CRISP1: variants seen among roughly 807,000 people sequenced by gnomAD.
CRISP1 encodes the protein cysteine-rich secretory protein 1.
CRISP1 carries 44 observed loss-of-function variants against 33.1 expected under a neutral mutation model. The observed-to-expected ratio is 1.33, with a 90% CI of 1.05 to 1.71. CRISP1 has a LOEUF of 1.71. CRISP1 is among the 40% of genes most tolerant of loss of function. The pLI, the probability that CRISP1 is intolerant of heterozygous loss-of-function variation, is 0.00. For missense variants in CRISP1, 390 were observed against 301.2 expected, an observed-to-expected ratio of 1.29 and a Z score of -2.18; for synonymous variants, 103 against 98.7, an observed-to-expected ratio of 1.04 and a Z score of -0.26.
chr6:49,841,180 C>T (rs993628815), intron 5 of CRISP1, among the ~76,000 whole-genome samples, 185 bp from the exon 6 acceptor site: 9 of 152,130 alleles, frequency 5.9e-5, no homozygotes, highest in African/African-American at 1.7e-4. Flanking sequence ...TGCATGTACA[C>T]GCACATAGCT....
chr6:49,861,616 A>T (rs983310142), intron 1 of CRISP1, among the ~76,000 whole-genome samples: 5 of 152,070 alleles, frequency 3.3e-5, no homozygotes, highest in African/African-American at 1.2e-4. Context: ...AGGCACGGTA[A>T]CTCACGCCTG....
intron 1 of CRISP1, among the ~76,000 whole-genome samples, chr6:49,871,764 G>A (rs1438947254): frequency 6.6e-6 from 1 of 152,038 alleles, no homozygotes; most frequent in Non-Finnish European, 1.5e-5. Context: ...ATTCCATGGT[G>A]TATATGTGCC....
At chr6:49,864,981 T>G (rs2127478157) in intron 1 of CRISP1, among the ~76,000 whole-genome samples, 1 of 152,278 alleles carries the variant, frequency 6.6e-6, no homozygotes, top group South Asian at 2.1e-4. Context: ...TTTAAGAAAT[T>G]TTGGTTATCC....
At chr6:49,858,759 T>C (rs1432410239) in intron 1 of CRISP1, among the ~76,000 whole-genome samples, 1 of 152,104 alleles carries the variant, frequency 6.6e-6, no homozygotes, top group African/African-American at 2.4e-5. Context: ...GCAGATAATA[T>C]TAACCCTGAG....
At chr6:49,838,349 G>T in intron 7 of CRISP1, 88 bp downstream of exon 7, 1 of 928,204 alleles carries the variant, frequency 1.1e-6, no homozygotes. Flanking sequence ...GTAGAAAAGT[G>T]CGATGTTTTT....
chr6:49,848,158 C>CTGTTTT lies in CRISP1; in HGVS notation c.286+50_286+51insAAAACA, dbSNP rs148402737. ...AGGGTACATAACAATCCCTGTTTTA[C>CTGTTTT]TATTTTTTTTTTTTTTAGTCCAAAG... On this transcript the variant is annotated intron_variant, in intron 4 of 7. Coordinates refer to ENST00000335847, the MANE Select transcript of CRISP1 (RefSeq NM_001131.3). 2.6e-5 allele frequency: 24 copies of CTGTTTT among 940,526 alleles called. 2 individuals carry two copies. The highest frequency in any genetic ancestry group is 2.6e-5 in the Non-Finnish European group (16 of 618,704). The allele number at this position is 940,526 out of a possible 1,614,324, so 58.3% of individuals were successfully genotyped here. A position where few individuals can be genotyped will look rare whatever the true frequency, so the allele number is the denominator to read the frequency against.
upstream of CRISP1, among the ~76,000 whole-genome samples, chr6:49,870,374 C>G (rs1182097358): frequency 1.3e-5 from 2 of 151,914 alleles, no homozygotes; most frequent in East Asian, 3.9e-4. Flanking sequence ...AATAGAGTAA[C>G]CAGTAGTAGT....
At chr6:49,859,732 A>G (rs1049157607) in intron 1 of CRISP1, among the ~76,000 whole-genome samples, 3 of 152,182 alleles carry the variant, frequency 2.0e-5, no homozygotes, top group Non-Finnish European at 4.4e-5. Flanking sequence ...AATATGCAAA[A>G]CAGCCAGAAA....
At chr6:49,855,404 T>C (rs781645145) in intron 2 of CRISP1, among the ~76,000 whole-genome samples, 18 of 152,188 alleles carry the variant, frequency 1.2e-4, no homozygotes, top group Non-Finnish European at 2.5e-4. Context: ...ACTCTGTTTA[T>C]TCTCAGCCTC....
At chr6:49,836,139 C>T (rs990665624) in intron 7 of CRISP1, among the ~76,000 whole-genome samples, 11 of 152,052 alleles carry the variant, frequency 7.2e-5, no homozygotes, top group Non-Finnish European at 1.6e-4. Flanking sequence ...ATCTATTTGT[C>T]TCTATATAAA....
chr6:49,854,420 T>G (rs1388342332), intron 2 of CRISP1, among the ~76,000 whole-genome samples: 1 of 152,180 alleles, frequency 6.6e-6, no homozygotes, highest in African/African-American at 2.4e-5. Context: ...CAGGCTGGAG[T>G]GCAGTAGCAC....
chr6:49,854,094 A>T (rs1441509600), intron 2 of CRISP1, among the ~76,000 whole-genome samples: 1 of 152,172 alleles, frequency 6.6e-6, no homozygotes, highest in Non-Finnish European at 1.5e-5. Context: ...TTCTTCCCTC[A>T]GTAAAGAGAA....
At chr6:49,836,226 T>C (rs890641631) in intron 7 of CRISP1, among the ~76,000 whole-genome samples, 6 of 152,200 alleles carry the variant, frequency 3.9e-5, no homozygotes, top group African/African-American at 1.4e-4. Flanking sequence ...ATTTGAATCT[T>C]GACAATGGAA....
Position 49,848,193 on chromosome 6 carries a change from A to T in CRISP1, c.286+16T>A. On this transcript the variant is annotated intron_variant, in intron 4 of 7. Coordinates refer to ENST00000335847, the MANE Select transcript of CRISP1 (RefSeq NM_001131.3). ...TTTTTTTAGTCCAAAGGCGGGTCAT[A>T]TAGATACACACTTACTTGGAAGTCT... The T allele has an allele frequency of 2.7e-6, 4 of 1,457,544 alleles. No individual in the cohort carries two copies. Among genetic ancestry groups the T allele is most frequent in the Non-Finnish European group, 3.7e-6 (4 of 1,066,880 alleles). 90.3% of individuals were successfully genotyped at this position (1,457,544 alleles called of 1,614,324 possible). A position where few individuals can be genotyped will look rare whatever the true frequency, so the allele number is the denominator to read the frequency against.
upstream of CRISP1, among the ~76,000 whole-genome samples, chr6:49,871,061 C>T (rs916304105): frequency 6.6e-6 from 1 of 151,616 alleles, no homozygotes; most frequent in Admixed American, 6.6e-5. Context: ...AGAGATCGCG[C>T]CATTGCACTC....
chr6:49,852,788 G>T (rs978085391), intron 2 of CRISP1, among the ~76,000 whole-genome samples: 2 of 151,304 alleles, frequency 1.3e-5, no homozygotes, highest in African/African-American at 4.9e-5. Flanking sequence ...AACTCACTAA[G>T]AAGAAAAATA....
intron 1 of CRISP1, among the ~76,000 whole-genome samples, chr6:49,862,967 C>T (rs1205509968): frequency 6.6e-6 from 1 of 151,876 alleles, no homozygotes; most frequent in Non-Finnish European, 1.5e-5. Flanking sequence ...GGATTGAATA[C>T]AGGAAATTAT....
At chr6:49,854,813 T>C (rs72863140) in intron 2 of CRISP1, among the ~76,000 whole-genome samples, 12,524 of 152,186 alleles carry the variant, frequency 0.082, 570 homozygotes, top group East Asian at 0.14. Flanking sequence ...GTGATGGGCA[T>C]GATAGGGGGA....
rs1329116445 is a variant in CRISP1 at position 49,852,081 on chromosome 6, T to C, written c.115A>G (p.Asn39Asp). ...QFNKLVTDLP[N>D]VQEEIVNIHN... ...ATATTAACGATCTCTTCTTGTACAT[T>C]TGGCAAGTCGGTGACGAGCTTATTA... The change falls in exon 3 of 8, where the codon AAT becomes GAT. Residue 39 changes from asparagine (N) to aspartate (D), a missense_variant. By Grantham distance (23) the Asn-to-Asp change is conservative. Transcript: ENST00000335847. 1 of 1,613,318 alleles carries C rather than the reference T, an allele frequency of 6.2e-7. No homozygotes were observed. Among genetic ancestry groups the C allele is most frequent in the Non-Finnish European group, 8.5e-7 (1 of 1,179,554 alleles).
Sources: gnomAD v4.1 joint callset for allele counts (sites outside exome capture counted in the v4.1 genomes callset) on GRCh38, gnomAD v4.1.1 for gene constraint, MANE v1.5 for transcripts, NCBI Gene and HGNC (gene_info 2026-07-23, HGNC 2026-07-21) for gene names.